MOV10: variants seen among roughly 807,000 people sequenced by gnomAD.
MOV10 encodes the protein Mov10 RNA helicase, also known as RNA helicase MOV-10.
MOV10 carries 39 observed loss-of-function variants against 108.4 expected under a neutral mutation model. The observed-to-expected ratio is 0.36, with a 90% CI of 0.28 to 0.47. The LOEUF is 0.47. Among genes scored for constraint, MOV10 ranks in the 20% least tolerant of loss-of-function variants. The pLI, the probability that MOV10 is intolerant of heterozygous loss-of-function variation, is 1.00. For synonymous variants in MOV10, 490 were observed against 523.1 expected, an observed-to-expected ratio of 0.94 and a Z score of 0.86; for missense variants, 952 against 1,297.6, an observed-to-expected ratio of 0.73 and a Z score of 4.09.
chr1:112,683,409 A>G (rs1672820233), intron 2 of MOV10, among the ~76,000 whole-genome samples: 1 of 152,110 alleles, frequency 6.6e-6, no homozygotes, highest in Non-Finnish European at 1.5e-5. Flanking sequence ...GGGTTGTTGT[A>G]TTTTTTATTT....
chr1:112,688,232 G>A (rs1344490160), intron 2 of MOV10: 19 of 424,510 alleles, frequency 4.5e-5, no homozygotes, highest in Admixed American at 3.8e-4. Context: ...ACAGGCCTCC[G>A]TAAGTGTTTG....
At chr1:112,681,842 A>G (rs1476390693) in intron 2 of MOV10, among the ~76,000 whole-genome samples, 1 of 151,176 alleles carries the variant, frequency 6.6e-6, no homozygotes, top group Non-Finnish European at 1.5e-5. Flanking sequence ...GATTATTATC[A>G]GCTAGAGTTC....
At chr1:112,697,746 A>C in intron 14 of MOV10, 1 of 410,438 alleles carries the variant, frequency 2.4e-6, no homozygotes, top group Non-Finnish European at 4.4e-6. Context: ...TGGGCCCCTA[A>C]TTATTTAGTT....
At chr1:112,688,536 C>T in intron 2 of MOV10, 1 of 1,098,014 alleles carries the variant, frequency 9.1e-7, no homozygotes, top group Non-Finnish European at 1.1e-6. Context: ...CATTCCGCTT[C>T]CCCTTAGCCT....
intron 7 of MOV10, chr1:112,693,750 G>A (rs1393384166): frequency 3.8e-6 from 1 of 266,662 alleles, no homozygotes; most frequent in Non-Finnish European, 7.3e-6. Context: ...AGCAGGAACT[G>A]AGCTGGCCAA....
In MOV10 at chr1:112,698,088, C is replaced by A. The variant is rs767983345; in HGVS notation, c.2293C>A (p.Arg765Ser). 7.4e-6 allele frequency: 12 copies of A among 1,614,118 alleles called. No homozygotes were observed. In the Middle Eastern group the frequency reaches 5.0e-4, roughly 67 times the overall value. Residue 765 changes from arginine (R) to serine (S), a missense_variant, in exon 15 of 21, where the codon CGC (arginine) becomes AGC (serine). Arg to Ser is a moderately radical substitution (Grantham distance 110, BLOSUM62 -1). This residue lies in a region of MOV10 where 453 missense variants were observed against 611.5 expected (regional missense o/e 0.74). Transcript: ENST00000369645. ...TGTCGTGGATCGAGAACGCTTCTGC[C>A]GCTGGGCGGGCCTACCTCGACAGGT... ...ADVVDRERFC[R>S]WAGLPRQGFP...
At chr1:112,699,591 C>T (rs1286102927) in intron 17 of MOV10, 94 bp from the exon 18 acceptor site, 8 of 1,559,214 alleles carry the variant, frequency 5.1e-6, no homozygotes, top group African/African-American at 1.4e-5. Context: ...GCCCAGTGAC[C>T]TCTCTGTACC....
At chr1:112,679,660 G>A (rs1185209386) in intron 2 of MOV10, among the ~76,000 whole-genome samples, 1 of 152,002 alleles carries the variant, frequency 6.6e-6, no homozygotes, top group East Asian at 1.9e-4. Flanking sequence ...ATTGAGCAAG[G>A]GGTATGATCA....
At chr1:112,683,131 G>A (rs1007276987) in intron 2 of MOV10, among the ~76,000 whole-genome samples, 5 of 151,036 alleles carry the variant, frequency 3.3e-5, no homozygotes, top group African/African-American at 4.9e-5. Flanking sequence ...TGTTTGCCAC[G>A]CTGGTCTCGA....
At position 112,688,983 on chromosome 1, in the gene MOV10, G is replaced by A. The variant is rs1673313816; in HGVS notation, c.186G>A (p.Lys62=). ...PGFSSMLYGM[K]IANLAYVTKT... ...TCTCCTCCATGCTGTATGGAATGAAGATTGCAAATCTGGCCTACGTCACCA... is the reference window on the plus strand; with the variant it reads ...TCTCCTCCATGCTGTATGGAATGAAAATTGCAAATCTGGCCTACGTCACCA... Residue 62 remains lysine, a synonymous_variant, in exon 3 of 21, where the codon AAG becomes AAA. Coordinates refer to ENST00000369645, the MANE Select transcript of MOV10 (RefSeq NM_001321324.2). 6.2e-7 allele frequency: 1 copy of A among 1,612,582 alleles called. No homozygotes were observed. Among genetic ancestry groups the A allele is most frequent in the Non-Finnish European group, 8.5e-7 (1 of 1,180,038 alleles).
Position 112,688,638 on chromosome 1 carries a change from C to T in MOV10, c.138-297C>T, listed in dbSNP as rs971044974. On this transcript the variant is annotated intron_variant, in intron 2 of 20. Transcript: ENST00000369645. ...CTTTATGTCTTTCTCTGTCTTCCCT[C>T]AGTCCTTCCAGTCAGCAGCCTGTGA... 19 of 1,316,012 alleles carry T rather than the reference C, an allele frequency of 1.4e-5. No homozygotes were observed. The African/African-American group carries it at 2.5e-4, about 17-fold the overall frequency. 81.5% of individuals were successfully genotyped at this position (1,316,012 alleles called of 1,614,324 possible).
chr1:112,676,721 T>C (rs1280006691), intron 2 of MOV10, among the ~76,000 whole-genome samples: 2 of 152,124 alleles, frequency 1.3e-5, no homozygotes, highest in Non-Finnish European at 2.9e-5. Flanking sequence ...AGGAACTTGA[T>C]CAGATATCAA....
chr1:112,685,854 T>A (rs147984044), intron 2 of MOV10, among the ~76,000 whole-genome samples: 1 of 152,180 alleles, frequency 6.6e-6, no homozygotes, highest in African/African-American at 2.4e-5. Flanking sequence ...AGAGAATAAT[T>A]TGAGAAATAT....
Position 112,694,614 on chromosome 1 carries a change from CA to C in MOV10, c.1458del (p.Asp487MetfsTer2). Reference protein sequence around the residue: ...VAPRDVPLLPSDVKLKLYDRS... With the variant: ...VAPRDVPLLPXDVKLKLYDRS... ...CCTCGGGACGTCCCGCTGCTGCCCT[CA>C]GATGTGAAACTCAAGTGAGACTGTG... On this transcript the variant is annotated frameshift_variant, in exon 9 of 21. Coordinates refer to ENST00000369645, the MANE Select transcript of MOV10 (RefSeq NM_001321324.2). LOFTEE classifies it high-confidence loss of function. This position sits in a 1 kb window ranked among gnomAD's most constrained non-coding sequence, Gnocchi z 4.1. The C allele has an allele frequency of 6.2e-7, 1 of 1,604,666 alleles. No individual in the cohort carries two copies. Among genetic ancestry groups the C allele is most frequent in the Non-Finnish European group, 8.5e-7 (1 of 1,174,762 alleles).
chr1:112,685,422 C>T (rs1315246480), intron 2 of MOV10, among the ~76,000 whole-genome samples: 1 of 151,728 alleles, frequency 6.6e-6, no homozygotes, highest in Non-Finnish European at 1.5e-5. Context: ...TTTGGGAGGC[C>T]GAGGCGGGCA....
chr1:112,690,854 C>T (rs1464026976), intron 5 of MOV10, among the ~76,000 whole-genome samples: 3 of 152,170 alleles, frequency 2.0e-5, no homozygotes, highest in Admixed American at 6.5e-5. Context: ...TTGTTCAGCC[C>T]TAAGAAACTG....
chr1:112,689,815 C>G, intron 4 of MOV10, 25 bp from the exon 5 acceptor site: 1 of 1,609,416 alleles, frequency 6.2e-7, no homozygotes, highest in Non-Finnish European at 8.5e-7. Flanking sequence ...TCCCTACCCC[C>G]ATTCACTCAT....
intron 2 of MOV10, among the ~76,000 whole-genome samples, chr1:112,681,799 C>G (rs1476461855): frequency 6.6e-6 from 1 of 152,020 alleles, no homozygotes; most frequent in Admixed American, 6.5e-5. Flanking sequence ...CAGTACACTT[C>G]ACTCCAACAA....
chr1:112,696,384 G>T (rs1194902587), intron 12 of MOV10, 53 bp from the exon 13 acceptor site: 10 of 1,494,302 alleles, frequency 6.7e-6, no homozygotes, highest in Admixed American at 1.7e-5. Context: ...AAGCATTCAG[G>T]TTTGGTAGTT....
Sources: allele counts gnomAD v4.1 joint callset (sites outside exome capture counted in the v4.1 genomes callset), GRCh38; gene constraint gnomAD v4.1.1; regional missense constraint gnomAD v4.1.1; non-coding constraint Gnocchi (gnomAD v3.1); transcripts MANE v1.5; gene names NCBI Gene and HGNC (gene_info 2026-07-23, HGNC 2026-07-21).